SLC35F3: variants seen among roughly 807,000 people sequenced by gnomAD.
SLC35F3 encodes the protein putative thiamine transporter SLC35F3.
SLC35F3 carries 25 observed loss-of-function variants against 49.9 expected under a neutral mutation model. The observed-to-expected ratio is 0.50, with a 90% confidence interval of 0.37 to 0.70. The LOEUF is 0.70. Ranked by LOEUF, SLC35F3 falls within the 30% of genes least tolerant of loss-of-function variation. The pLI, the probability that SLC35F3 is intolerant of heterozygous loss-of-function variation, is 0.00. For missense variants in SLC35F3, 525 were observed against 639.8 expected, an observed-to-expected ratio of 0.82 and a Z score of 1.94; for synonymous variants, 275 against 265.4, an observed-to-expected ratio of 1.04 and a Z score of -0.35.
chr1:234,219,039 T>G (rs986323834), intron 2 of SLC35F3, among the ~76,000 whole-genome samples: 2 of 111,312 alleles, frequency 1.8e-5, no homozygotes, highest in East Asian at 6.3e-4. Flanking sequence ...CCTGGTGACA[T>G]AGAGAGACTC....
intron 3 of SLC35F3, among the ~76,000 whole-genome samples, chr1:234,281,675 T>C (rs1211302646): frequency 6.6e-6 from 1 of 152,234 alleles, no homozygotes; most frequent in Non-Finnish European, 1.5e-5. Context: ...AGCTCAGTTT[T>C]GTTCTTGAAC....
chr1:233,937,021 T>C (rs1477800611), intron 2 of SLC35F3, among the ~76,000 whole-genome samples: 1 of 152,190 alleles, frequency 6.6e-6, no homozygotes, highest in East Asian at 1.9e-4. Flanking sequence ...TCTGACATTT[T>C]GTGATAACAA....
At chr1:234,001,814 C>T (rs1281151768) in intron 2 of SLC35F3, among the ~76,000 whole-genome samples, 1 of 152,216 alleles carries the variant, frequency 6.6e-6, no homozygotes, top group African/African-American at 2.4e-5. Flanking sequence ...TTGGATGAAT[C>T]CACTATTCCC....
intron 2 of SLC35F3, among the ~76,000 whole-genome samples, chr1:234,019,449 A>G (rs1663858249): frequency 6.6e-6 from 1 of 152,184 alleles, no homozygotes; most frequent in South Asian, 2.1e-4. Flanking sequence ...GGCAAATTCA[A>G]AAGTCCAGCG....
At chr1:234,031,873 A>G (rs1276597467) in intron 2 of SLC35F3, among the ~76,000 whole-genome samples, 5 of 152,212 alleles carry the variant, frequency 3.3e-5, no homozygotes, top group Non-Finnish European at 7.3e-5. Flanking sequence ...AACACTGTCT[A>G]GACACAGCCT....
At chr1:234,002,081 A>G (rs367879137) in intron 2 of SLC35F3, among the ~76,000 whole-genome samples, 1 of 152,312 alleles carries the variant, frequency 6.6e-6, no homozygotes, top group South Asian at 2.1e-4. Context: ...TTCAGCATGA[A>G]CAGAGAGTCT....
At chr1:234,175,870 A>G (rs1666469386) in intron 2 of SLC35F3, among the ~76,000 whole-genome samples, 1 of 152,100 alleles carries the variant, frequency 6.6e-6, no homozygotes, top group African/African-American at 2.4e-5. Flanking sequence ...AGGCAGGTCC[A>G]CCATCCGCAC....
intron 2 of SLC35F3, among the ~76,000 whole-genome samples, chr1:233,990,221 A>G (rs1305585764): frequency 6.6e-6 from 1 of 152,204 alleles, no homozygotes; most frequent in East Asian, 1.9e-4. Context: ...TTATTCATTA[A>G]TACATAATTT....
At chr1:234,209,763 T>C (rs1667023759) in intron 2 of SLC35F3, among the ~76,000 whole-genome samples, 1 of 151,944 alleles carries the variant, frequency 6.6e-6, no homozygotes, top group Non-Finnish European at 1.5e-5. Context: ...TAACTCCTCT[T>C]CGGCAAGCAG....
chr1:234,202,656 G>A (rs1010482270), intron 2 of SLC35F3, among the ~76,000 whole-genome samples: 3 of 152,220 alleles, frequency 2.0e-5, no homozygotes, highest in Non-Finnish European at 4.4e-5. Context: ...GGAGCCCTCC[G>A]CATTTCAAGC....
At chr1:234,293,348 T>A (rs535884593) in intron 3 of SLC35F3, among the ~76,000 whole-genome samples, 10 of 152,310 alleles carry the variant, frequency 6.6e-5, no homozygotes, top group African/African-American at 2.2e-4. Context: ...GGCGAGGAAC[T>A]GAGAGCCGGA....
intron 3 of SLC35F3, among the ~76,000 whole-genome samples, chr1:234,246,795 C>T (rs1368527003): frequency 1.3e-5 from 2 of 152,196 alleles, no homozygotes; most frequent in Admixed American, 1.3e-4. Flanking sequence ...AAATCACTCC[C>T]AGAAGTGGTG....
chr1:234,044,013 A>G (rs905134313), intron 2 of SLC35F3, among the ~76,000 whole-genome samples: 3 of 152,158 alleles, frequency 2.0e-5, no homozygotes, highest in African/African-American at 7.2e-5. Flanking sequence ...GACAGGTAGA[A>G]CCTTTACCAG....
At chr1:233,967,297 C>A (rs1662920305) in intron 2 of SLC35F3, among the ~76,000 whole-genome samples, 2 of 151,944 alleles carry the variant, frequency 1.3e-5, no homozygotes, top group Admixed American at 1.3e-4. Context: ...AACATCATTC[C>A]ACTGTAAGAG....
chr1:234,252,868 C>A (rs1028089773), intron 3 of SLC35F3, among the ~76,000 whole-genome samples: 3 of 152,150 alleles, frequency 2.0e-5, no homozygotes, highest in African/African-American at 7.2e-5. Context: ...AGCTTTACTC[C>A]TAGGAATTTA....
rs949712327 is a variant in SLC35F3, at chr1:234,214,667, G to A, written c.284-16750G>A. On this transcript the variant is annotated intron_variant, in intron 2 of 7. Coordinates refer to ENST00000366618, the MANE Select transcript of SLC35F3 (RefSeq NM_173508.4). The surrounding 1 kb of genome is among the most constrained non-coding windows in gnomAD (Gnocchi z 8.0). ...GGGCTGTCTGGCTGCGGGGCGCCGG[G>A]GCTGGGGGTACTGCTCCCCCAGGAC... is the stretch of plus-strand genomic sequence containing the variant. The A allele has an allele frequency of 1.4e-6, 2 of 1,430,458 alleles. No homozygotes were observed. Among genetic ancestry groups the A allele is most frequent in the Non-Finnish European group, 1.8e-6 (2 of 1,083,218 alleles). The allele number at this position is 1,430,458 out of a possible 1,614,324, so 88.6% of individuals were successfully genotyped here. A position where few individuals can be genotyped will look rare whatever the true frequency, so the allele number is the denominator to read the frequency against.
At chr1:233,978,831 A>T (rs1663133797) in intron 2 of SLC35F3, among the ~76,000 whole-genome samples, 2 of 152,294 alleles carry the variant, frequency 1.3e-5, no homozygotes, top group South Asian at 4.1e-4. Context: ...GGAGTTCAGG[A>T]CCAGCCTGGC....
At chr1:234,234,089 G>C (rs965845544) in intron 3 of SLC35F3, among the ~76,000 whole-genome samples, 2 of 152,106 alleles carry the variant, frequency 1.3e-5, no homozygotes, top group African/African-American at 4.8e-5. Flanking sequence ...CAGACTTTAG[G>C]ATTCTCAGAG....
intron 2 of SLC35F3, among the ~76,000 whole-genome samples, chr1:234,108,646 GATAC>G (rs1304734587): frequency 4.0e-5 from 4 of 100,852 alleles, no homozygotes; most frequent in Non-Finnish European, 5.8e-5. Context: ...ATATATAAAA[GATAC>G]ATATATTTAT....
Sources: gnomAD v4.1 joint callset for allele counts (sites outside exome capture counted in the v4.1 genomes callset) on GRCh38, gnomAD v4.1.1 for gene constraint, Gnocchi (gnomAD v3.1) non-coding constraint, MANE v1.5 for transcripts, NCBI Gene and HGNC (gene_info 2026-07-23, HGNC 2026-07-21) for gene names.